The following PLXNC1 variants were observed in gnomAD, a reference collection of about 807,000 sequenced individuals.
The protein encoded by PLXNC1 is plexin-C1.
A neutral mutation model predicts 178.2 loss-of-function variants in PLXNC1; 75 were observed. The observed-to-expected ratio is 0.42, with a 90% CI of 0.35 to 0.51. The LOEUF (loss-of-function observed/expected upper bound fraction) is 0.51. PLXNC1 is among the 20% of genes least tolerant of loss of function. PLXNC1 has a pLI of 0.02. For missense variants in PLXNC1, 1,503 were observed against 1,984.4 expected (o/e 0.76, Z 4.61); for synonymous variants, 790 against 779.9 (o/e 1.01, Z -0.22).
chr12:94,233,469 G>T (rs530130487), intron 9 of PLXNC1, among the ~76,000 whole-genome samples: 1 of 152,206 alleles, frequency 6.6e-6, no homozygotes, highest in Non-Finnish European at 1.5e-5. Flanking sequence ...CAGGTTGTTC[G>T]GAGGGTGGGC....
At chr12:94,160,968 T>A (rs1460904928) in intron 1 of PLXNC1, among the ~76,000 whole-genome samples, 1 of 152,222 alleles carries the variant, frequency 6.6e-6, no homozygotes, top group Non-Finnish European at 1.5e-5. Context: ...TATCAAATAA[T>A]ATGAAAATAT....
intron 2 of PLXNC1, among the ~76,000 whole-genome samples, chr12:94,172,738 G>T (rs1961893550): frequency 6.6e-6 from 1 of 152,000 alleles, no homozygotes. Flanking sequence ...TATTATTTGG[G>T]TACATTATTT....
intron 9 of PLXNC1, chr12:94,227,530 T>G: frequency 3.7e-6 from 1 of 269,070 alleles, no homozygotes; most frequent in South Asian, 4.8e-5. Context: ...TGGAAGGAAG[T>G]TTAGCATTCC....
intron 15 of PLXNC1, among the ~76,000 whole-genome samples, chr12:94,251,826 T>C (rs1964699885): frequency 6.6e-6 from 1 of 152,144 alleles, no homozygotes; most frequent in Non-Finnish European, 1.5e-5. Flanking sequence ...ACCCCGTCTC[T>C]ACTAAAAATA....
intron 4 of PLXNC1, among the ~76,000 whole-genome samples, chr12:94,205,231 A>G (rs1375309646): frequency 6.6e-6 from 1 of 152,200 alleles, no homozygotes; most frequent in Non-Finnish European, 1.5e-5. Context: ...CATGAAAACA[A>G]TTAATAATTT....
rs375280617 is a variant in PLXNC1, at chr12:94,247,862, C to T, written c.2389-41C>T. 5.7e-5 allele frequency: 89 copies of T among 1,572,696 alleles called. No homozygotes were observed. In the Middle Eastern group the frequency reaches 6.2e-4, roughly 11 times the overall value. On this transcript the variant is annotated intron_variant, in intron 12 of 30. Coordinates refer to ENST00000258526, the MANE Select transcript of PLXNC1 (RefSeq NM_005761.3). ...GCTCTTAGAGATCACAGCTGGGATTCGTTAACAAAGTTACTAAAACATTCT... is the reference window on the plus strand; with the variant it reads ...GCTCTTAGAGATCACAGCTGGGATTTGTTAACAAAGTTACTAAAACATTCT...
chr12:94,303,920 G>A (rs986680886), intron 29 of PLXNC1, 24 bp downstream of exon 29: 1 of 1,607,860 alleles, frequency 6.2e-7, no homozygotes, highest in Admixed American at 1.7e-5. Flanking sequence ...GCAGAAATAA[G>A]CTTATATTTG....
intron 4 of PLXNC1, among the ~76,000 whole-genome samples, chr12:94,191,836 TA>T (rs756927887): frequency 6.6e-5 from 10 of 151,976 alleles, no homozygotes. Context: ...CAATGAGCTC[TA>T]AAAAGTCTAG....
intron 12 of PLXNC1, among the ~76,000 whole-genome samples, chr12:94,246,843 CCCA>C (rs980010196): frequency 5.3e-5 from 8 of 151,912 alleles, no homozygotes; most frequent in Admixed American, 2.6e-4. Context: ...ATCATATTTT[CCCA>C]CCAATTGCCT....
chr12:94,225,720 A>G (rs555174775), intron 7 of PLXNC1, among the ~76,000 whole-genome samples: 18 of 152,286 alleles, frequency 1.2e-4, no homozygotes, highest in Admixed American at 3.3e-4. Context: ...CCCTTTCCAT[A>G]GGTAACTGCT....
chr12:94,279,468 G>A lies in PLXNC1; in HGVS notation c.3598-4G>A. The A allele has an allele frequency of 1.2e-6, 2 of 1,611,106 alleles. No individual in the cohort carries two copies. The highest frequency in any genetic ancestry group is 8.5e-7 in the Non-Finnish European group (1 of 1,178,158). On this transcript the variant is annotated splice_polypyrimidine_tract_variant and splice_region_variant and intron_variant, in intron 21 of 30. Transcript: ENST00000258526. ...GACTTGGAAACCTGTTTGTACTCTT[G>A]CAGGCATTAAACGTCGTCTTTGAAA...
intron 23 of PLXNC1, among the ~76,000 whole-genome samples, chr12:94,288,364 G>A (rs1966910770): frequency 6.6e-6 from 1 of 152,148 alleles, no homozygotes; most frequent in Non-Finnish European, 1.5e-5. Flanking sequence ...GATCACTCTT[G>A]AGTCTTAAGT....
chr12:94,193,890 G>A (rs1962817161), intron 4 of PLXNC1, among the ~76,000 whole-genome samples: 1 of 152,204 alleles, frequency 6.6e-6, no homozygotes, highest in Non-Finnish European at 1.5e-5. Flanking sequence ...GGCAACATGG[G>A]CAGGACAGCC....
At chr12:94,209,845 C>T (rs1222087550) in intron 5 of PLXNC1, 141 bp downstream of exon 5, 27 of 584,572 alleles carry the variant, frequency 4.6e-5, no homozygotes, top group Middle Eastern at 4.7e-4. Context: ...CACTCATTAA[C>T]GAATATTGAG....
intron 23 of PLXNC1, among the ~76,000 whole-genome samples, chr12:94,289,366 T>C (rs1166824117): frequency 1.3e-5 from 2 of 152,348 alleles, no homozygotes; most frequent in East Asian, 3.9e-4. Context: ...GAATCGCTTG[T>C]TGTCACATCG....
chr12:94,262,729 C>A, intron 20 of PLXNC1: 2 of 985,426 alleles, frequency 2.0e-6, no homozygotes, highest in Non-Finnish European at 2.4e-6. Flanking sequence ...ACCCCACAGA[C>A]GTTTAGTGGG....
Position 94,273,473 on chromosome 12 carries a change from C to T in PLXNC1, c.3598-5999C>T, listed in dbSNP as rs1330196155. Among the ~76,000 whole-genome samples the T allele has an allele frequency of 2.0e-5, 3 of 152,272 alleles. No homozygotes were observed. The East Asian group carries it at 5.8e-4, about 29-fold the overall frequency. On this transcript the variant is annotated intron_variant, in intron 21 of 30. Coordinates refer to ENST00000258526, the MANE Select transcript of PLXNC1 (RefSeq NM_005761.3). Reference sequence around the variant, plus strand: ...GTCTAGGGGCCTCCCTCATGAACTACAGCTCTTTGCGACCCAATTCAAATG... The same window carrying T: ...GTCTAGGGGCCTCCCTCATGAACTATAGCTCTTTGCGACCCAATTCAAATG...
At chr12:94,177,205 A>ATC (rs1345751144) in intron 2 of PLXNC1, among the ~76,000 whole-genome samples, 1 of 44,740 alleles carries the variant, frequency 2.2e-5, no homozygotes, top group African/African-American at 1.4e-4. Context: ...ATATACGTAT[A>ATC]TATATATGTG....
At chr12:94,194,295 A>T (rs189180220) in intron 4 of PLXNC1, among the ~76,000 whole-genome samples, 16 of 152,298 alleles carry the variant, frequency 1.1e-4, no homozygotes, top group Admixed American at 1.0e-3. Context: ...AACACTGAGG[A>T]TTACAATTGA....
Sources: allele counts gnomAD v4.1 joint callset (sites outside exome capture counted in the v4.1 genomes callset), GRCh38; gene constraint gnomAD v4.1.1; transcripts MANE v1.5; gene names NCBI Gene and HGNC (gene_info 2026-07-23, HGNC 2026-07-21).